Variants in CEP83 observed in about 807,000 individuals in gnomAD.
CEP83 encodes centrosomal protein 83.
Under a neutral mutation model 101.9 loss-of-function variants are expected in CEP83, and 70 were observed. That is an observed-to-expected ratio of 0.69 (90% CI 0.57 to 0.84). The LOEUF is 0.84. Ranked by LOEUF, CEP83 falls within the 40% of genes least tolerant of loss-of-function variation. The pLI, the probability that CEP83 is intolerant of heterozygous loss-of-function variation, is 0.00. For missense variants in CEP83, 715 were observed against 787.2 expected, an observed-to-expected ratio of 0.91 and a Z score of 1.10; for synonymous variants, 264 against 267.9, an observed-to-expected ratio of 0.99 and a Z score of 0.14.
At chr12:94,458,639 G>A (rs1231807891) in intron 1 of CEP83, among the ~76,000 whole-genome samples, 4 of 152,158 alleles carry the variant, frequency 2.6e-5, no homozygotes, top group African/African-American at 7.2e-5. Context: ...TCGGGAGGCT[G>A]AGGCAGGAGA....
intron 6 of CEP83, among the ~76,000 whole-genome samples, chr12:94,391,754 C>T (rs1157931540): frequency 1.3e-5 from 2 of 151,386 alleles, no homozygotes; most frequent in African/African-American, 4.9e-5. Flanking sequence ...CAAAGACGCA[C>T]ATAGGCTCAA....
At chr12:94,303,615 A>C, downstream of CEP83, 3 of 640,488 alleles carry the variant, frequency 4.7e-6, no homozygotes, top group South Asian at 2.6e-5. Context: ...GGCCTACTGC[A>C]TGAAGCCTTG....
intron 6 of CEP83, among the ~76,000 whole-genome samples, chr12:94,385,100 A>C (rs1410075974): frequency 6.6e-6 from 1 of 152,146 alleles, no homozygotes; most frequent in African/African-American, 2.4e-5. Flanking sequence ...AGGAGGTAGT[A>C]GTCCCGATTC....
the CEP83 span, among the ~76,000 whole-genome samples, chr12:94,274,447 G>A: frequency 3.3e-5 from 5 of 152,168 alleles, no homozygotes; most frequent in African/African-American, 4.8e-5. Flanking sequence ...CCCAACCCAG[G>A]CTGGACCCAC....
chr12:94,329,303 G>A (rs977080152), intron 14 of CEP83, among the ~76,000 whole-genome samples: 2 of 151,870 alleles, frequency 1.3e-5, no homozygotes, highest in African/African-American at 4.8e-5. Flanking sequence ...GTCTTGCTGT[G>A]TCATCCAGGC....
chr12:94,305,294 G>A (rs1288492337), downstream of CEP83: 5 of 1,561,310 alleles, frequency 3.2e-6, no homozygotes, highest in Middle Eastern at 1.7e-4. Context: ...AAGCACTCTG[G>A]GGCCTGGCTT....
chr12:94,450,426 G>T (rs1048615465), intron 1 of CEP83, among the ~76,000 whole-genome samples: 1 of 152,050 alleles, frequency 6.6e-6, no homozygotes, highest in African/African-American at 2.4e-5. Flanking sequence ...TAACTTTTTT[G>T]TATTTTTAGT....
intron 2 of CEP83, chr12:94,424,791 T>C (rs145467361): frequency 6.2e-7 from 1 of 1,610,092 alleles, no homozygotes; most frequent in South Asian, 1.1e-5. Context: ...AATCCTCGGA[T>C]GTATAGGTTG....
chr12:94,274,155 T>TAAAAAAAAAAAAAAAAA, the CEP83 span, among the ~76,000 whole-genome samples: 7 of 45,370 alleles, frequency 1.5e-4, 1 homozygote, highest in African/African-American at 5.9e-4. Context: ...ACCCTGTCTC[T>TAAAAAAAAAAAAAAAAA]AAAAAAAAAA....
the CEP83 span, chr12:94,297,075 A>AG: frequency 1.0e-6 from 1 of 971,558 alleles, no homozygotes; most frequent in Non-Finnish European, 1.6e-6. Context: ...CAAGTCAAAA[A>AG]GCTCAAGTAA....
intron 9 of CEP83, 60 bp from the exon 10 acceptor site, chr12:94,368,261 A>C (rs1342661684): frequency 7.6e-7 from 1 of 1,317,136 alleles, no homozygotes; most frequent in Non-Finnish European, 1.0e-6. Context: ...GAAAAATCAC[A>C]TTTAACAGCA....
chr12:94,309,872 C>A (rs1487352642), intron 16 of CEP83, 46 bp downstream of exon 16: 1 of 1,268,770 alleles, frequency 7.9e-7, no homozygotes, highest in Non-Finnish European at 1.1e-6. Flanking sequence ...TAAAAACCTA[C>A]AAAAATGTAC....
intron 14 of CEP83, among the ~76,000 whole-genome samples, chr12:94,323,718 T>A (rs1329197333): frequency 2.0e-5 from 3 of 152,168 alleles, no homozygotes; most frequent in African/African-American, 7.2e-5. Flanking sequence ...GAACCTCCGA[T>A]AAAATATTAA....
intron 4 of CEP83, among the ~76,000 whole-genome samples, chr12:94,408,833 T>C (rs897615936): frequency 1.3e-5 from 2 of 152,146 alleles, no homozygotes; most frequent in Non-Finnish European, 2.9e-5. Context: ...GTGATCCTCC[T>C]GCCTCCTGAA....
rs1406246121 is a variant in CEP83, at chr12:94,378,089, T to C, written c.801+702A>G. On this transcript the variant is annotated intron_variant, in intron 7 of 16. Coordinates refer to ENST00000397809, the MANE Select transcript of CEP83 (RefSeq NM_016122.3). ...CCCCCCACCCAAATCATTTTATAAC[T>C]ATTCCAAAGGAAAAAGAAACACTTT... Among the ~76,000 whole-genome samples, 3 of 152,054 alleles carry C rather than the reference T, an allele frequency of 2.0e-5. No homozygotes were observed. The East Asian group carries it at 5.8e-4, about 29-fold the overall frequency.
the CEP83 span, among the ~76,000 whole-genome samples, chr12:94,281,674 G>A: frequency 2.4e-4 from 37 of 152,190 alleles, no homozygotes; most frequent in East Asian, 4.2e-3. Context: ...CCCTGCCTCC[G>A]CCTCCCAAAG....
chr12:94,378,639 T>G lies in CEP83; in HGVS notation c.801+152A>C, dbSNP rs150163840. ...TATTGCTTATGAATCAATAGCTTTC[T>G]TCTTTACTAAAAGAATAAATACTCT... On this transcript the variant is annotated intron_variant, in intron 7 of 16. Transcript: ENST00000397809. 2,442 of 836,344 alleles carry G rather than the reference T, an allele frequency of 2.9e-3. 8 individuals carry two copies. Among genetic ancestry groups the G allele is most frequent in the Non-Finnish European group, 3.8e-3 (2,084 of 548,262 alleles). The allele number at this position is 836,344 out of a possible 1,614,324, so 51.8% of individuals were successfully genotyped here.
the CEP83 span, among the ~76,000 whole-genome samples, chr12:94,265,748 A>G: frequency 3.3e-5 from 5 of 152,198 alleles, no homozygotes; most frequent in African/African-American, 1.2e-4. Flanking sequence ...GATCTCATAG[A>G]TATTTTTAGA....
intron 8 of CEP83, among the ~76,000 whole-genome samples, chr12:94,371,250 T>C (rs937595579): frequency 2.6e-5 from 4 of 152,120 alleles, no homozygotes; most frequent in Admixed American, 6.5e-5. Flanking sequence ...TGCGAATCTG[T>C]TGGCTTAAGA....
Sources: gnomAD v4.1 joint callset for allele counts (sites outside exome capture counted in the v4.1 genomes callset) on GRCh38, gnomAD v4.1.1 for gene constraint, MANE v1.5 for transcripts, NCBI Gene and HGNC (gene_info 2026-07-23, HGNC 2026-07-21) for gene names.